PDE4B: variants seen among roughly 807,000 people sequenced by gnomAD.
The protein encoded by PDE4B is phosphodiesterase 4B, also known as 3',5'-cyclic-AMP phosphodiesterase 4B.
Under a neutral mutation model 82.2 loss-of-function variants are expected in PDE4B, and 20 were observed. The ratio of observed to expected loss-of-function variants is 0.24; its 90% CI spans 0.17 to 0.35. The LOEUF (loss-of-function observed/expected upper bound fraction) is 0.35. Among genes scored for constraint, PDE4B ranks in the 10% least tolerant of loss-of-function variants. The pLI is 1.00. For synonymous variants in PDE4B, 320 were observed against 318.9 expected (o/e 1.00, Z -0.04); for missense variants, 655 against 907.2 (o/e 0.72, Z 3.57).
At chr1:66,220,572 T>C (rs1366760246) in intron 3 of PDE4B, among the ~76,000 whole-genome samples, 2 of 152,160 alleles carry the variant, frequency 1.3e-5, no homozygotes, top group Non-Finnish European at 2.9e-5. Flanking sequence ...TTAGAATGGC[T>C]CCTCCCTTTT....
chr1:66,245,826 G>T (rs984761762), intron 3 of PDE4B, among the ~76,000 whole-genome samples: 1 of 152,156 alleles, frequency 6.6e-6, no homozygotes, highest in East Asian at 1.9e-4. Flanking sequence ...TTTGTGGGTT[G>T]TCTAAAAGCA....
intron 3 of PDE4B, chr1:65,993,074 C>G: frequency 3.1e-6 from 5 of 1,613,984 alleles, no homozygotes; most frequent in Non-Finnish European, 4.2e-6. Context: ...ACTCACCATG[C>G]TTTTTCAGAA....
intron 3 of PDE4B, among the ~76,000 whole-genome samples, chr1:65,979,687 C>T (rs990297519): frequency 5.9e-5 from 9 of 152,144 alleles, no homozygotes; most frequent in Non-Finnish European, 8.8e-5. Flanking sequence ...GCAGGAGGCC[C>T]TTAATGGGAC....
At chr1:66,363,322 T>C in intron 11 of PDE4B, 56 bp downstream of exon 11, 1 of 1,547,272 alleles carries the variant, frequency 6.5e-7, no homozygotes, top group Non-Finnish European at 8.8e-7. Flanking sequence ...TTATGATTTT[T>C]TTTTTCCATC....
intron 3 of PDE4B, among the ~76,000 whole-genome samples, chr1:66,027,175 A>G (rs751912005): frequency 1.3e-4 from 20 of 152,206 alleles, no homozygotes; most frequent in Non-Finnish European, 2.2e-4. Context: ...AAGAGGTTTA[A>G]CTGGACTTAC....
chr1:66,033,471 G>A (rs1013713271), intron 3 of PDE4B, among the ~76,000 whole-genome samples: 1 of 152,060 alleles, frequency 6.6e-6, no homozygotes, highest in Non-Finnish European at 1.5e-5. Flanking sequence ...GTTCTGAGAC[G>A]GTGGCGCTTT....
At chr1:66,186,890 G>C (rs1214916941) in intron 3 of PDE4B, among the ~76,000 whole-genome samples, 1 of 152,176 alleles carries the variant, frequency 6.6e-6, no homozygotes, top group Middle Eastern at 3.2e-3. Context: ...AGTGATGAGA[G>C]AGGGCATCCC....
chr1:66,152,002 C>T (rs1407411132), intron 3 of PDE4B, among the ~76,000 whole-genome samples: 2 of 152,120 alleles, frequency 1.3e-5, no homozygotes, highest in African/African-American at 2.4e-5. Flanking sequence ...ATGTCAGTAG[C>T]ACATTTTGAA....
chr1:65,849,719 C>A (rs1429164851), intron 1 of PDE4B, among the ~76,000 whole-genome samples: 2 of 150,868 alleles, frequency 1.3e-5, no homozygotes, highest in Admixed American at 6.7e-5. Context: ...AGAAAAAAAA[C>A]AACAACACAA....
chr1:66,314,490 G>T (rs1193165048), intron 7 of PDE4B, among the ~76,000 whole-genome samples: 1 of 152,112 alleles, frequency 6.6e-6, no homozygotes, highest in Non-Finnish European at 1.5e-5. Flanking sequence ...TCGGCTCACT[G>T]CAACCTCTGT....
intron 3 of PDE4B, among the ~76,000 whole-genome samples, chr1:65,974,503 T>C (rs1394399267): frequency 6.6e-6 from 1 of 152,186 alleles, no homozygotes; most frequent in Non-Finnish European, 1.5e-5. Context: ...ATGGCAGACA[T>C]TACCTATTAA....
At chr1:66,284,327 T>C (rs1469982248) in intron 7 of PDE4B, among the ~76,000 whole-genome samples, 1 of 152,200 alleles carries the variant, frequency 6.6e-6, no homozygotes, top group African/African-American at 2.4e-5. Flanking sequence ...AGTTAGCATA[T>C]TCTTTGAGCA....
intron 7 of PDE4B, among the ~76,000 whole-genome samples, chr1:66,305,826 A>G (rs935800125): frequency 6.6e-6 from 1 of 152,176 alleles, no homozygotes; most frequent in Non-Finnish European, 1.5e-5. Flanking sequence ...TTTATCCTTC[A>G]TCTATCACAA....
chr1:66,216,324 G>T (rs554562928), intron 3 of PDE4B, among the ~76,000 whole-genome samples: 17 of 151,910 alleles, frequency 1.1e-4, no homozygotes, highest in Middle Eastern at 3.4e-3. Context: ...TGTTGGTTCT[G>T]TTTCTCTGTA....
intron 1 of PDE4B, among the ~76,000 whole-genome samples, chr1:65,885,855 TATAATAATAATA>T (rs34224891): frequency 2.4e-3 from 339 of 141,368 alleles, no homozygotes; most frequent in South Asian, 3.9e-3. Context: ...AAACTTAACG[TATAATAATAATA>T]ATAATAATAA....
intron 1 of PDE4B, among the ~76,000 whole-genome samples, chr1:65,875,773 G>A (rs1646633139): frequency 7.2e-6 from 1 of 139,594 alleles, no homozygotes; most frequent in South Asian, 2.4e-4. Flanking sequence ...GACACAGGAA[G>A]GGGAACATCA....
intron 3 of PDE4B, among the ~76,000 whole-genome samples, chr1:66,109,316 A>G (rs1645434525): frequency 6.6e-6 from 1 of 151,978 alleles, no homozygotes; most frequent in African/African-American, 2.4e-5. Flanking sequence ...GAGGTTAAAA[A>G]GTTCATATTA....
intron 3 of PDE4B, among the ~76,000 whole-genome samples, chr1:66,006,693 G>C (rs149544196): frequency 7.2e-5 from 11 of 152,204 alleles, no homozygotes; most frequent in Admixed American, 1.3e-4. Context: ...CCCCCATGCT[G>C]TTCTCATGAT....
intron 8 of PDE4B, among the ~76,000 whole-genome samples, chr1:66,337,573 G>A (rs532503733): frequency 6.6e-6 from 1 of 152,338 alleles, no homozygotes; most frequent in East Asian, 1.9e-4. Flanking sequence ...GAGATGGAAG[G>A]ACATGGGGAA....
Sources: allele counts gnomAD v4.1 joint callset (sites outside exome capture counted in the v4.1 genomes callset), GRCh38; gene constraint gnomAD v4.1.1; transcripts MANE v1.5; gene names NCBI Gene and HGNC (gene_info 2026-07-23, HGNC 2026-07-21).